Variants in FHIT observed in about 807,000 individuals in gnomAD.
The protein encoded by FHIT is bis(5'-adenosyl)-triphosphatase.
A neutral mutation model predicts 17.9 loss-of-function variants in FHIT; 19 were observed. The ratio of observed to expected loss-of-function variants is 1.06; its 90% CI spans 0.74 to 1.56. The LOEUF (loss-of-function observed/expected upper bound fraction) is 1.56. Among genes scored for constraint, FHIT ranks in the 40% most tolerant of loss-of-function variants. FHIT has a pLI of 0.00. For missense variants in FHIT, 248 were observed against 189.2 expected (o/e 1.31, Z -1.82); for synonymous variants, 81 against 69.7 (o/e 1.16, Z -0.81).
intron 5 of FHIT, among the ~76,000 whole-genome samples, chr3:60,053,871 A>T (rs1701981411): frequency 6.6e-6 from 1 of 152,184 alleles, no homozygotes; most frequent in Non-Finnish European, 1.5e-5. Flanking sequence ...TAGAGAAACA[A>T]CATTTTCTTA....
intron 8 of FHIT, among the ~76,000 whole-genome samples, chr3:59,776,358 C>G (rs964223687): frequency 1.3e-5 from 2 of 152,236 alleles, no homozygotes; most frequent in African/African-American, 4.8e-5. Context: ...CACCATCACA[C>G]TCTGATTAGG....
intron 4 of FHIT, among the ~76,000 whole-genome samples, chr3:60,560,895 T>G (rs2682981): frequency 0.95 from 142,842 of 149,764 alleles, 68,173 homozygotes; most frequent in East Asian, 1. Context: ...GGGGAGGAAG[T>G]GAGTAGGAAG....
chr3:60,330,623 C>A (rs565764065), intron 5 of FHIT, among the ~76,000 whole-genome samples: 1 of 152,132 alleles, frequency 6.6e-6, no homozygotes, highest in Non-Finnish European at 1.5e-5. Flanking sequence ...ACACCAAACC[C>A]GTTTCTAGAA....
chr3:60,561,298 T>C (rs1435112267), intron 4 of FHIT, among the ~76,000 whole-genome samples: 2 of 152,134 alleles, frequency 1.3e-5, no homozygotes, highest in Admixed American at 1.3e-4. Context: ...GGTCAAGCTC[T>C]TAGACAGCTA....
chr3:60,515,349 A>T (rs368343714), intron 5 of FHIT, among the ~76,000 whole-genome samples: 1 of 152,190 alleles, frequency 6.6e-6, no homozygotes, highest in African/African-American at 2.4e-5. Context: ...AGGAAGGAAA[A>T]TCTATACATT....
intron 3 of FHIT, among the ~76,000 whole-genome samples, chr3:60,840,550 C>A (rs1702689911): frequency 6.6e-6 from 1 of 152,158 alleles, no homozygotes; most frequent in South Asian, 2.1e-4. Flanking sequence ...GTTTTTATAT[C>A]AAGGACAATA....
At chr3:60,883,070 A>G (rs1705048619) in intron 3 of FHIT, among the ~76,000 whole-genome samples, 1 of 152,132 alleles carries the variant, frequency 6.6e-6, no homozygotes, top group African/African-American at 2.4e-5. Flanking sequence ...TACACCAACA[A>G]TGAACTAGTG....
chr3:60,505,620 A>G (rs1452145722), intron 5 of FHIT, among the ~76,000 whole-genome samples: 1 of 152,112 alleles, frequency 6.6e-6, no homozygotes, highest in Non-Finnish European at 1.5e-5. Flanking sequence ...GGTTTCTTCC[A>G]GCATATTTTA....
At chr3:60,556,106 T>C (rs1355692263) in intron 4 of FHIT, among the ~76,000 whole-genome samples, 1 of 152,228 alleles carries the variant, frequency 6.6e-6, no homozygotes, top group Non-Finnish European at 1.5e-5. Flanking sequence ...CATTTTCTTA[T>C]AGCTACTTTT....
intron 4 of FHIT, among the ~76,000 whole-genome samples, chr3:60,716,457 G>T (rs140584774): frequency 2.6e-5 from 4 of 151,428 alleles, no homozygotes; most frequent in African/African-American, 9.7e-5. Flanking sequence ...GCCTACACCC[G>T]GATGGTATCA....
chr3:60,959,173 T>C (rs1245133771), intron 3 of FHIT, among the ~76,000 whole-genome samples: 5 of 152,198 alleles, frequency 3.3e-5, no homozygotes, highest in Non-Finnish European at 5.9e-5. Flanking sequence ...TTGGGCATAG[T>C]GGTGCTATCA....
intron 5 of FHIT, among the ~76,000 whole-genome samples, chr3:60,178,106 T>C (rs1176916270): frequency 6.6e-6 from 1 of 152,190 alleles, no homozygotes; most frequent in African/African-American, 2.4e-5. Flanking sequence ...AGAAGAAATT[T>C]CTGTTCAGGA....
intron 4 of FHIT, among the ~76,000 whole-genome samples, chr3:60,789,315 G>A (rs1161456534): frequency 3.3e-5 from 5 of 151,754 alleles, no homozygotes; most frequent in African/African-American, 1.2e-4. Context: ...TCAAGAGATC[G>A]ATACCATCCT....
intron 4 of FHIT, among the ~76,000 whole-genome samples, chr3:60,735,618 G>A (rs997997490): frequency 7.2e-5 from 11 of 152,184 alleles, no homozygotes; most frequent in African/African-American, 1.7e-4. Context: ...ATGCCTATGC[G>A]TGAGACCAAC....
At chr3:59,863,287 C>A (rs540043184) in intron 8 of FHIT, among the ~76,000 whole-genome samples, 4 of 152,196 alleles carry the variant, frequency 2.6e-5, no homozygotes, top group Admixed American at 2.0e-4. Context: ...TTAGACTACT[C>A]CAGTGCTCAC....
chr3:60,163,845 G>A (rs1231668554), intron 5 of FHIT, among the ~76,000 whole-genome samples: 2 of 152,156 alleles, frequency 1.3e-5, no homozygotes, highest in Non-Finnish European at 2.9e-5. Flanking sequence ...ATCACTCCTA[G>A]TTGGGAAACA....
chr3:61,117,527 T>C (rs2036334033), intron 2 of FHIT, among the ~76,000 whole-genome samples: 1 of 152,172 alleles, frequency 6.6e-6, no homozygotes, highest in Non-Finnish European at 1.5e-5. Context: ...AAAGAGAGGC[T>C]ATAAAAGGAC....
At chr3:60,113,682 G>C (rs980884772) in intron 5 of FHIT, among the ~76,000 whole-genome samples, 1 of 151,566 alleles carries the variant, frequency 6.6e-6, no homozygotes, top group African/African-American at 2.4e-5. Flanking sequence ...CTTCTCAACT[G>C]TACACTTAAA....
intron 1 of FHIT, among the ~76,000 whole-genome samples, chr3:61,237,901 T>A (rs1306419571): frequency 6.6e-6 from 1 of 152,074 alleles, no homozygotes; most frequent in African/African-American, 2.4e-5. Context: ...CTCTCAAGGG[T>A]CCCTCTGTGA....
Sources: gnomAD v4.1 joint callset for allele counts (sites outside exome capture counted in the v4.1 genomes callset) on GRCh38, gnomAD v4.1.1 for gene constraint, MANE v1.5 for transcripts, NCBI Gene and HGNC (gene_info 2026-07-23, HGNC 2026-07-21) for gene names.